Variants in TIAM2 observed in about 807,000 individuals in gnomAD.
The protein encoded by TIAM2 is TIAM Rac1 associated GEF 2, also known as rho guanine nucleotide exchange factor TIAM2.
In TIAM2, 80 loss-of-function variants were observed where a neutral mutation model predicts 152.9. That is an observed-to-expected ratio of 0.52 (90% CI 0.44 to 0.63). The LOEUF is 0.63. TIAM2 is among the 30% of genes least tolerant of loss of function. The probability of loss-of-function intolerance (pLI) is 0.00; values close to 1 mark genes in which losing one functional copy is unlikely to be tolerated. For missense variants in TIAM2, 1,965 were observed against 2,120.1 expected (o/e 0.93, Z 1.44); for synonymous variants, 804 against 838.0 (o/e 0.96, Z 0.70).
chr6:155,152,035 G>T (rs1779983697), intron 7 of TIAM2, among the ~76,000 whole-genome samples: 1 of 151,590 alleles, frequency 6.6e-6, no homozygotes, highest in Non-Finnish European at 1.5e-5. Flanking sequence ...ATAGAGACGG[G>T]GTTTCACCAT....
intron 2 of TIAM2, among the ~76,000 whole-genome samples, chr6:155,123,244 G>A (rs1226575922): frequency 6.6e-6 from 1 of 151,094 alleles, no homozygotes; most frequent in South Asian, 2.1e-4. Flanking sequence ...TCAGCATTAT[G>A]CATATGTGAA....
At chr6:155,074,818 C>A (rs2114958844) in intron 1 of TIAM2, among the ~76,000 whole-genome samples, 1 of 147,490 alleles carries the variant, frequency 6.8e-6, no homozygotes, top group South Asian at 2.2e-4. Context: ...AGCGTTAGAA[C>A]CTCTGAGGAT....
chr6:155,013,180 C>G (rs570660664), intron 1 of TIAM2, among the ~76,000 whole-genome samples: 11 of 151,828 alleles, frequency 7.2e-5, no homozygotes, highest in Admixed American at 6.6e-4. Context: ...CCCCATGGCT[C>G]CTGTAGTACA....
intron 24 of TIAM2, chr6:155,253,280 A>T: frequency 3.9e-6 from 2 of 515,104 alleles, no homozygotes; most frequent in South Asian, 3.1e-5. Flanking sequence ...TTGTTTCCTT[A>T]TTTTCCCTAT....
At chr6:155,036,581 ATTATTTAT>A (rs138150629) in intron 1 of TIAM2, among the ~76,000 whole-genome samples, 33,979 of 143,316 alleles carry the variant, frequency 0.24, 4,183 homozygotes, top group Middle Eastern at 0.27. Context: ...GTTTGGAGAA[ATTATTTAT>A]TTATTTATTT....
At chr6:155,138,191 CT>C (rs1292064104) in intron 5 of TIAM2, among the ~76,000 whole-genome samples, 4 of 152,016 alleles carry the variant, frequency 2.6e-5, no homozygotes, top group African/African-American at 9.7e-5. Flanking sequence ...AGGTATTTAG[CT>C]TATTTATAGG....
intron 12 of TIAM2, among the ~76,000 whole-genome samples, chr6:155,180,008 C>T (rs564591482): frequency 6.0e-4 from 91 of 152,244 alleles, no homozygotes; most frequent in Middle Eastern, 3.4e-3. Context: ...AGCTGGGCGC[C>T]GTGGCTCATG....
At chr6:155,078,855 G>A (rs962357323) in intron 1 of TIAM2, among the ~76,000 whole-genome samples, 1 of 152,204 alleles carries the variant, frequency 6.6e-6, no homozygotes, top group African/African-American at 2.4e-5. Context: ...TCCGTTAGGT[G>A]TGTTTTGTTT....
intron 20 of TIAM2, among the ~76,000 whole-genome samples, chr6:155,249,410 G>C (rs747219524): frequency 6.6e-6 from 1 of 152,202 alleles, no homozygotes; most frequent in East Asian, 1.9e-4. Flanking sequence ...GCTTGGGTTT[G>C]AAGCCTGGCT....
rs1007441073 is a variant in TIAM2, at chr6:155,214,704, C to CAATA, written c.3168+3398_3168+3401dup. On this transcript the variant is annotated intron_variant, in intron 15 of 26. Coordinates refer to ENST00000682666, the MANE Select transcript of TIAM2 (RefSeq NM_012454.4). This position sits in a 1 kb window ranked among gnomAD's most constrained non-coding sequence, Gnocchi z 5.4. ...AGTGGGTTATTTAATTTTGGGAACC[C>CAATA]AATATCATATCTAATGTTCATTAGC... 5.8e-4 allele frequency among the ~76,000 whole-genome samples: 88 copies of CAATA among 152,240 alleles called. No individual in the cohort carries two copies. Among genetic ancestry groups the CAATA allele is most frequent in the African/African-American group, 2.0e-3 (84 of 41,536 alleles).
At chr6:155,187,750 G>T (rs1781084999) in intron 14 of TIAM2, among the ~76,000 whole-genome samples, 1 of 151,606 alleles carries the variant, frequency 6.6e-6, no homozygotes, top group Admixed American at 6.6e-5. Context: ...GGCTAATTTT[G>T]TTTTTTTAGT....
Position 155,249,835 on chromosome 6 carries a change from A to G in TIAM2, c.3833-16A>G. On this transcript the variant is annotated splice_polypyrimidine_tract_variant and intron_variant, in intron 20 of 26. Coordinates refer to ENST00000682666, the MANE Select transcript of TIAM2 (RefSeq NM_012454.4). The stretch of plus-strand genomic sequence containing the variant: ...AAATAACAGTTATGAAATAAATATG[A>G]TTTCATATCTTGCAGAAGCACTAAA... 1 of 1,588,748 alleles carries G rather than the reference A, an allele frequency of 6.3e-7. No homozygotes were observed. Among genetic ancestry groups the G allele is most frequent in the Non-Finnish European group, 8.6e-7 (1 of 1,161,284 alleles).
At chr6:155,120,370 G>T (rs1035473878) in intron 2 of TIAM2, among the ~76,000 whole-genome samples, 8 of 152,120 alleles carry the variant, frequency 5.3e-5, no homozygotes, top group Non-Finnish European at 1.2e-4. Context: ...TTTTTGTAAG[G>T]ATTACTCTTC....
intron 17 of TIAM2, 140 bp downstream of exon 17, chr6:155,244,219 A>G: frequency 6.2e-6 from 5 of 810,970 alleles, no homozygotes; most frequent in Non-Finnish European, 9.9e-6. Flanking sequence ...AGTCCCAGGC[A>G]TAGCCTCCTC....
chr6:155,000,323 G>A lies in TIAM2; in HGVS notation c.-209+4831G>A, dbSNP rs914020920. On this transcript the variant is annotated intron_variant, in intron 1 of 26. Coordinates refer to ENST00000682666, the MANE Select transcript of TIAM2 (RefSeq NM_012454.4). ...GCCAAGGGGCGGATCACCTGAGGTC[G>A]GGAGTTCAAGACCAGCTGACCAACA... Among the ~76,000 whole-genome samples, 10 of 152,004 alleles carry A rather than the reference G, an allele frequency of 6.6e-5. No homozygotes were observed. In the South Asian group the frequency reaches 1.5e-3, roughly 22 times the overall value.
chr6:155,106,542 G>A (rs1309629301), intron 2 of TIAM2, among the ~76,000 whole-genome samples: 2 of 152,148 alleles, frequency 1.3e-5, no homozygotes, highest in African/African-American at 4.8e-5. Flanking sequence ...CCGATATTTT[G>A]CAAATCATGA....
chr6:155,047,340 C>T (rs748044077), intron 1 of TIAM2, among the ~76,000 whole-genome samples: 4 of 151,980 alleles, frequency 2.6e-5, no homozygotes, highest in South Asian at 2.1e-4. Context: ...CCACCACACC[C>T]GGCTAATTTT....
chr6:155,052,551 C>T (rs866026455), intron 1 of TIAM2, among the ~76,000 whole-genome samples: 6 of 151,866 alleles, frequency 4.0e-5, no homozygotes, highest in Admixed American at 2.6e-4. Context: ...TGATCATTTG[C>T]GGTCAGGATC....
At chr6:155,083,992 C>A (rs1249473285) in intron 1 of TIAM2, among the ~76,000 whole-genome samples, 2 of 152,182 alleles carry the variant, frequency 1.3e-5, no homozygotes, top group African/African-American at 4.8e-5. Context: ...TAGGTTGAAG[C>A]AGAATCGAGG....
Sources: allele counts gnomAD v4.1 joint callset (sites outside exome capture counted in the v4.1 genomes callset), GRCh38; gene constraint gnomAD v4.1.1; non-coding constraint Gnocchi (gnomAD v3.1); transcripts MANE v1.5; gene names NCBI Gene and HGNC (gene_info 2026-07-23, HGNC 2026-07-21).